PCDH9: variants seen among roughly 807,000 people sequenced by gnomAD.
The protein encoded by PCDH9 is protocadherin-9.
Under a neutral mutation model 70.6 loss-of-function variants are expected in PCDH9, and 24 were observed. The observed-to-expected ratio is 0.34, with a 90% CI of 0.25 to 0.48. The LOEUF (loss-of-function observed/expected upper bound fraction) is 0.48, where lower values mean the gene tolerates loss of function less well. Among genes scored for constraint, PCDH9 ranks in the 20% least tolerant of loss-of-function variants. The pLI, the probability that PCDH9 is intolerant of heterozygous loss-of-function variation, is 0.99. For missense variants in PCDH9, 1,281 were observed against 1,503.6 expected (o/e 0.85, Z 2.45); for synonymous variants, 562 against 558.5 (o/e 1.01, Z -0.09).
chr13:66,453,627 G>T (rs138834841), intron 4 of PCDH9, among the ~76,000 whole-genome samples: 2 of 152,218 alleles, frequency 1.3e-5, no homozygotes, highest in African/African-American at 4.8e-5. Context: ...TTTAACCACT[G>T]TGGACACCCA....
chr13:66,640,234 T>C (rs2077690163), intron 3 of PCDH9, among the ~76,000 whole-genome samples: 1 of 152,170 alleles, frequency 6.6e-6, no homozygotes, highest in South Asian at 2.1e-4. Flanking sequence ...CCACAAAATG[T>C]GTGATAAACC....
intron 3 of PCDH9, among the ~76,000 whole-genome samples, chr13:66,792,732 T>C (rs1342621775): frequency 6.6e-6 from 1 of 152,142 alleles, no homozygotes; most frequent in East Asian, 1.9e-4. Flanking sequence ...TTTGTTATAT[T>C]ACTACAGATT....
intron 3 of PCDH9, among the ~76,000 whole-genome samples, chr13:66,804,021 C>T (rs1274765855): frequency 2.0e-5 from 3 of 152,110 alleles, no homozygotes; most frequent in Non-Finnish European, 4.4e-5. Flanking sequence ...GCTGAGTGAC[C>T]ACACATGATT....
rs116162465 is a variant in PCDH9, at chr13:66,408,543, C to A, written c.3341-103515G>T. On this transcript the variant is annotated intron_variant, in intron 4 of 4. Coordinates refer to ENST00000377865, the MANE Select transcript of PCDH9 (RefSeq NM_203487.3). ...TGGAAATGTTAAACATAATTACAGT[C>A]TTTGGTTTTAGTTTGTTTTACTTTC... Among the ~76,000 whole-genome samples the A allele has an allele frequency of 5.8e-3, 878 of 152,262 alleles. 9 individuals carry two copies. Among genetic ancestry groups the A allele is most frequent in the African/African-American group, 0.02 (832 of 41,552 alleles).
intron 2 of PCDH9, among the ~76,000 whole-genome samples, chr13:66,927,883 C>A (rs2082741942): frequency 6.6e-6 from 1 of 152,068 alleles, no homozygotes; most frequent in Non-Finnish European, 1.5e-5. Context: ...TGGGGAAACA[C>A]AATTCTGCCC....
At chr13:66,310,879 T>C (rs1955548805) in intron 4 of PCDH9, among the ~76,000 whole-genome samples, 1 of 152,084 alleles carries the variant, frequency 6.6e-6, no homozygotes, top group Non-Finnish European at 1.5e-5. Context: ...CATGTTATAA[T>C]ATTATTTTTG....
chr13:66,999,032 T>C (rs2084182147), intron 2 of PCDH9, among the ~76,000 whole-genome samples: 2 of 152,230 alleles, frequency 1.3e-5, no homozygotes, highest in South Asian at 4.1e-4. Context: ...AAAATCAACC[T>C]TCTGTCCATC....
intron 4 of PCDH9, among the ~76,000 whole-genome samples, chr13:66,602,723 G>A (rs1354538403): frequency 6.9e-6 from 1 of 145,524 alleles, no homozygotes; most frequent in Non-Finnish European, 1.5e-5. Context: ...CTACCTTAGT[G>A]CAAAGTATGT....
At chr13:67,033,547 A>G (rs1444300122) in intron 2 of PCDH9, among the ~76,000 whole-genome samples, 2 of 152,120 alleles carry the variant, frequency 1.3e-5, no homozygotes, top group Non-Finnish European at 2.9e-5. Context: ...ATGTTGCTTT[A>G]CGTGTCTTTC....
At chr13:66,849,517 T>TATATATATATATATAGAGAGAGAGAGAG (rs1272589939) in intron 3 of PCDH9, among the ~76,000 whole-genome samples, 1 of 63,582 alleles carries the variant, frequency 1.6e-5, no homozygotes, top group African/African-American at 8.3e-5. Flanking sequence ...TATATATATA[T>TATATATATATATATAGAGAGAGAGAGAG]AGAGAGAGAG....
intron 2 of PCDH9, among the ~76,000 whole-genome samples, chr13:66,908,619 A>G (rs2082403798): frequency 6.6e-6 from 1 of 152,196 alleles, no homozygotes; most frequent in Non-Finnish European, 1.5e-5. Context: ...ATTTTAAGTG[A>G]CCAACAGTAT....
chr13:66,932,140 T>C (rs1702469870), intron 2 of PCDH9, among the ~76,000 whole-genome samples: 1 of 152,166 alleles, frequency 6.6e-6, no homozygotes, highest in Admixed American at 6.6e-5. Context: ...GAATAATTCA[T>C]GATCCAGCTT....
At chr13:66,849,059 G>C (rs539388786) in intron 3 of PCDH9, among the ~76,000 whole-genome samples, 5 of 151,468 alleles carry the variant, frequency 3.3e-5, no homozygotes, top group African/African-American at 1.2e-4. Context: ...ATAAATTAGC[G>C]TTTTAGAATA....
At chr13:66,455,111 C>T (rs1468718893) in intron 4 of PCDH9, among the ~76,000 whole-genome samples, 2 of 151,958 alleles carry the variant, frequency 1.3e-5, no homozygotes, top group Non-Finnish European at 2.9e-5. Flanking sequence ...CTAGGTAAAA[C>T]CATCACCTAG....
chr13:66,864,857 T>C (rs1344154031), intron 3 of PCDH9, among the ~76,000 whole-genome samples: 6 of 152,142 alleles, frequency 3.9e-5, no homozygotes, highest in Non-Finnish European at 8.8e-5. Context: ...GCCTGGAAAG[T>C]AGCAAAAATG....
chr13:67,133,764 CAG>C (rs1244423644), intron 2 of PCDH9, among the ~76,000 whole-genome samples: 2 of 151,974 alleles, frequency 1.3e-5, no homozygotes, highest in African/African-American at 4.8e-5. Flanking sequence ...AAAAATGACT[CAG>C]AAAAATCTTA....
chr13:66,685,035 A>AG (rs2078380672), intron 3 of PCDH9, among the ~76,000 whole-genome samples: 1 of 151,962 alleles, frequency 6.6e-6, no homozygotes, highest in Non-Finnish European at 1.5e-5. Flanking sequence ...GAAAAGAAAA[A>AG]AAAAACATTT....
intron 3 of PCDH9, among the ~76,000 whole-genome samples, chr13:66,683,815 T>C (rs557619943): frequency 2.6e-4 from 39 of 151,508 alleles, no homozygotes; most frequent in Non-Finnish European, 3.7e-4. Context: ...CTCCCCACCT[T>C]ATTCACACAT....
At chr13:66,309,057 G>A (rs2138059465) in intron 4 of PCDH9, among the ~76,000 whole-genome samples, 1 of 152,122 alleles carries the variant, frequency 6.6e-6, no homozygotes, top group South Asian at 2.1e-4. Context: ...TACATGGTAG[G>A]TGTATGTATT....
Sources: allele counts gnomAD v4.1 joint callset (sites outside exome capture counted in the v4.1 genomes callset), GRCh38; gene constraint gnomAD v4.1.1; transcripts MANE v1.5; gene names NCBI Gene and HGNC (gene_info 2026-07-23, HGNC 2026-07-21).